The following CSF3R variants were observed in gnomAD, a reference collection of about 807,000 sequenced individuals.
CSF3R encodes granulocyte colony-stimulating factor receptor.
In CSF3R, 52 loss-of-function variants were observed where a neutral mutation model predicts 84.4. The ratio of observed to expected loss-of-function variants is 0.62; its 90% CI spans 0.49 to 0.78. CSF3R has a LOEUF of 0.78. Among genes scored for constraint, CSF3R ranks in the 30% least tolerant of loss-of-function variants. The pLI is 0.00. For synonymous variants in CSF3R, 384 were observed against 429.1 expected (o/e 0.89, Z 1.30); for missense variants, 890 against 1,055.7 (o/e 0.84, Z 2.17).
chr1:36,467,455 C>T lies in CSF3R; in HGVS notation c.1958+103G>A, dbSNP rs376595132. 4.9e-6 allele frequency: 7 copies of T among 1,442,132 alleles called. No homozygotes were observed. The East Asian group carries it at 9.1e-5, about 19-fold the overall frequency. The allele number at this position is 1,442,132 out of a possible 1,614,324, so 89.3% of individuals were successfully genotyped here. ...GGGCTGGGACTCTCAGACATGGGCC[C>T]CAAAGTTTGGGAAGGCTGGAAGGGA... On this transcript the variant is annotated intron_variant, in intron 15 of 16. Coordinates refer to ENST00000373106, the MANE Select transcript of CSF3R (RefSeq NM_000760.4). This position sits in a 1 kb window ranked among gnomAD's most constrained non-coding sequence, Gnocchi z 4.1.
Position 36,471,577 on chromosome 1 carries a change from C to T in CSF3R, c.1141G>A (p.Ala381Thr). ...YVVSWRPSGQ[A>T]GAILPLCNTT... Reference sequence around the variant, plus strand: ...TTGCAGAGGGGCAGGATGGCCCCAGCCTGGCCTGAGGGTCTCCAAGAAACC... The same window carrying T: ...TTGCAGAGGGGCAGGATGGCCCCAGTCTGGCCTGAGGGTCTCCAAGAAACC... The change falls in exon 10 of 17, where the codon GCT becomes ACT. Residue 381 changes from alanine (A) to threonine (T), a missense_variant. Physicochemically the swap from Ala to Thr is moderately conservative, Grantham distance 58. Transcript: ENST00000373106. 6.2e-7 allele frequency: 1 copy of T among 1,614,238 alleles called. No individual in the cohort carries two copies. The highest frequency in any genetic ancestry group is 8.5e-7 in the Non-Finnish European group (1 of 1,180,046).
Position 36,472,577 on chromosome 1 carries a change from G to A in CSF3R, c.783C>T (p.His261=). 1 of 1,614,138 alleles carries A rather than the reference G, an allele frequency of 6.2e-7. No homozygotes were observed. Among genetic ancestry groups the A allele is most frequent in the Non-Finnish European group, 8.5e-7 (1 of 1,180,036 alleles). Residue 261 remains histidine, a synonymous_variant, in exon 7 of 17, where the codon CAC becomes CAT. Transcript: ENST00000373106. The surrounding 1 kb of genome is among the most constrained non-coding windows in gnomAD (Gnocchi z 5.0). ...GGCGCAGCTCACACTTCTGATTTAT[G>A]TGCAGGCCTGGCTGCCATGGCTCCC... is the stretch of plus-strand genomic sequence containing the variant. The part of the protein sequence containing the change: ...LCWEPWQPGL[H]INQKCELRHK...
chr1:36,470,245 C>T lies in CSF3R; in HGVS notation c.1286-405G>A, dbSNP rs530191645. Among the ~76,000 whole-genome samples, 22 of 152,234 alleles carry T rather than the reference C, an allele frequency of 1.4e-4. 1 individual carries two copies. Among genetic ancestry groups the T allele is most frequent in the South Asian group, 4.1e-4 (2 of 4,824 alleles). On this transcript the variant is annotated intron_variant, in intron 10 of 16. Coordinates refer to ENST00000373106, the MANE Select transcript of CSF3R (RefSeq NM_000760.4). ...TGTCGCCCAGGCTGGAGTGCAGTGG[C>T]GCCATCTCGGCTCATTGCAACCTCC... is the stretch of plus-strand genomic sequence containing the variant.
In CSF3R at chr1:36,466,438, G is replaced by C; in HGVS notation, c.2430C>G (p.Asp810Glu). 6.2e-7 allele frequency: 1 copy of C among 1,613,594 alleles called. No individual in the cohort carries two copies. Among genetic ancestry groups the C allele is most frequent in the African/African-American group, 1.3e-5 (1 of 75,054 alleles). ...LVTPAPSQEDDCVFGPLLNFP... is the reference protein window; with the variant it reads ...LVTPAPSQEDECVFGPLLNFP... ...AGTTGAGCAGTGGCCCAAAGACACA[G>C]TCGTCCTCCTGGCTTGGGGCTGGGG... Residue 810 changes from aspartate (D) to glutamate (E), a missense_variant, in exon 17 of 17, where the codon GAC becomes GAG. Physicochemically the swap from Asp to Glu is conservative, Grantham distance 45. Coordinates refer to ENST00000373106, the MANE Select transcript of CSF3R (RefSeq NM_000760.4). This position sits in a 1 kb window ranked among gnomAD's most constrained non-coding sequence, Gnocchi z 4.6.
chr1:36,473,615 C>G lies in CSF3R; in HGVS notation c.493G>C (p.Gly165Arg). The G allele has an allele frequency of 6.2e-7, 1 of 1,614,016 alleles. No homozygotes were observed. The highest frequency in any genetic ancestry group is 1.1e-5 in the South Asian group (1 of 91,090). ...SFTLKSFKSR[G>R]NCQTQGDSIL... ...GAGTCCCCTTGGGTCTGACAGTTGC[C>G]CCGGCTCCTGCCAATAGTCCAGGCT... The change falls in exon 6 of 17, where the codon GGC becomes CGC. Residue 165 changes from glycine (G) to arginine (R), a missense_variant. Coordinates refer to ENST00000373106, the MANE Select transcript of CSF3R (RefSeq NM_000760.4).
At chr1:36,474,977 A>G (rs185993143) in intron 4 of CSF3R, among the ~76,000 whole-genome samples, 1 of 151,960 alleles carries the variant, frequency 6.6e-6, no homozygotes, top group Non-Finnish European at 1.5e-5. Flanking sequence ...TTATTAGATA[A>G]GAGCTCAATA....
intron 9 of CSF3R, 130 bp from the exon 10 acceptor site, chr1:36,471,776 C>G (rs547783028): frequency 4.9e-5 from 44 of 906,420 alleles, no homozygotes; most frequent in East Asian, 2.9e-4. Flanking sequence ...TCTCACCCCC[C>G]TCCCCTTTTC....
rs1169496898 is a variant in CSF3R, at chr1:36,472,548, T to C, written c.812A>G (p.Lys271Arg). ...HINQKCELRHKPQRGEASWAL... is the reference protein window; with the variant it reads ...HINQKCELRHRPQRGEASWAL... ...CCAGCTGGCTTCTCCACGCTGCGGC[T>C]TGTGGCGCAGCTCACACTTCTGATT... Residue 271 changes from lysine (K) to arginine (R), a missense_variant, in exon 7 of 17, where the codon AAG (lysine) becomes AGG (arginine). Coordinates refer to ENST00000373106, the MANE Select transcript of CSF3R (RefSeq NM_000760.4). The surrounding 1 kb of genome is among the most constrained non-coding windows in gnomAD (Gnocchi z 5.0). 1 of 1,614,188 alleles carries C rather than the reference T, an allele frequency of 6.2e-7. No individual in the cohort carries two copies. Among genetic ancestry groups the C allele is most frequent in the Admixed American group, 1.7e-5 (1 of 60,024 alleles).
At chr1:36,471,298 C>G in intron 10 of CSF3R, 135 bp downstream of exon 10, 2 of 882,254 alleles carry the variant, frequency 2.3e-6, no homozygotes, top group South Asian at 2.6e-5. Flanking sequence ...CTGCCCACCT[C>G]GGCCTCCCAA....
Position 36,467,878 on chromosome 1 carries a change from G to T in CSF3R, c.1808C>A (p.Ala603Asp). 6.2e-7 allele frequency: 1 copy of T among 1,614,252 alleles called. No homozygotes were observed. Residue 603 changes from alanine (A) to aspartate (D), a missense_variant, in exon 14 of 17, where the codon GCC becomes GAC. Physicochemically the swap from Ala to Asp is moderately radical, Grantham distance 126. Transcript: ENST00000373106. This position sits in a 1 kb window ranked among gnomAD's most constrained non-coding sequence, Gnocchi z 4.1. Reference protein sequence around the residue: ...ASLYHIHLMAASQAGATNSTV... With the variant: ...ASLYHIHLMADSQAGATNSTV... ...ACTGTTGGTGGCCCCAGCCTGGCTG[G>T]CAGCCATGAGGTGGATGTGATACAG...
At position 36,467,350 on chromosome 1, in the gene CSF3R, C is replaced by A. The variant is rs1403262066; in HGVS notation, c.1959-39G>T. ...CAGGTGGAGGCTGAGTCAGACACAC[C>A]CTCCGATCTTTCCATTTTTTGTCCC... On this transcript the variant is annotated intron_variant, in intron 15 of 16. Coordinates refer to ENST00000373106, the MANE Select transcript of CSF3R (RefSeq NM_000760.4). This position sits in a 1 kb window ranked among gnomAD's most constrained non-coding sequence, Gnocchi z 4.1. 1 of 1,599,540 alleles carries A rather than the reference C, an allele frequency of 6.3e-7. No homozygotes were observed. The highest frequency in any genetic ancestry group is 8.6e-7 in the Non-Finnish European group (1 of 1,166,908).
At position 36,468,233 on chromosome 1, in the gene CSF3R, G is replaced by C. The variant is rs200420429; in HGVS notation, c.1577-12C>G. ...GGCATGGGAGGGAGCTATGGGAAGA[G>C]AGAGGTGCGGGGGCTGAAGGGAGTG... On this transcript the variant is annotated splice_polypyrimidine_tract_variant and intron_variant, in intron 12 of 16. Coordinates refer to ENST00000373106, the MANE Select transcript of CSF3R (RefSeq NM_000760.4). 2.1e-4 allele frequency: 326 copies of C among 1,567,986 alleles called. 2 individuals carry two copies. The African/African-American group carries it at 3.9e-3, about 19-fold the overall frequency.
In CSF3R at chr1:36,468,221, G is replaced by A. The variant is rs1650472372; in HGVS notation, c.1577C>T (p.Ala526Val). The change falls in exon 13 of 17, where the codon GCT becomes GTT. Residue 526 changes from alanine to valine, a missense_variant and splice_region_variant. Ala to Val is a moderately conservative substitution (Grantham distance 64). Transcript: ENST00000373106. ...QHVYAYSQEM[A>V]PSHAPELHLK... ...ATGCAGCTCTGGGGCATGGGAGGGAGCTATGGGAAGAGAGAGGTGCGGGGG... is the reference window on the plus strand; with the variant it reads ...ATGCAGCTCTGGGGCATGGGAGGGAACTATGGGAAGAGAGAGGTGCGGGGG... 2.5e-6 allele frequency: 4 copies of A among 1,579,136 alleles called. No homozygotes were observed. Among genetic ancestry groups the A allele is most frequent in the Non-Finnish European group, 3.4e-6 (4 of 1,162,220 alleles).
At chr1:36,473,167 G>A in intron 6 of CSF3R, 1 of 544,126 alleles carries the variant, frequency 1.8e-6, no homozygotes, top group Non-Finnish European at 3.3e-6. Context: ...ACCTAGAGCA[G>A]TGCCTAACAT....
At chr1:36,468,397 G>C in intron 12 of CSF3R, 176 bp from the exon 13 acceptor site, 1 of 609,156 alleles carries the variant, frequency 1.6e-6, no homozygotes, top group Non-Finnish European at 2.7e-6. Flanking sequence ...CTGCTAATAA[G>C]TGTCTGAGCC....
rs1650778223 is a variant in CSF3R at position 36,472,019 on chromosome 1, A to ACAC, written c.1071+46_1071+47insGTG. 6.3e-7 allele frequency: 1 copy of ACAC among 1,583,896 alleles called. No homozygotes were observed. The highest frequency in any genetic ancestry group is 1.3e-5 in the African/African-American group (1 of 74,320). On this transcript the variant is annotated intron_variant, in intron 9 of 16. Coordinates refer to ENST00000373106, the MANE Select transcript of CSF3R (RefSeq NM_000760.4). This position sits in a 1 kb window ranked among gnomAD's most constrained non-coding sequence, Gnocchi z 5.0. Reference sequence around the variant, plus strand: ...CCCCGGTTTGTAGGGATCTGTTTGGACTGCGGGAGGTGTCGAGGTGGAGGG... The same window carrying ACAC: ...CCCCGGTTTGTAGGGATCTGTTTGGACACCTGCGGGAGGTGTCGAGGTGGAGGG...
chr1:36,467,300 G>A lies in CSF3R; in HGVS notation c.1970C>T (p.Pro657Leu). ...TGGGTCTGGGACACTTGGCCAGAGG[G>A]GATTCTTCCTGCTGGAGAAGGGGGC... ...WLCCSPNRKN[P>L]LWPSVPDPAH... Residue 657 changes from proline (P) to leucine (L), a missense_variant, in exon 16 of 17, where the codon CCC becomes CTC. By Grantham distance (98) the Pro-to-Leu change is moderately conservative (BLOSUM62 -3). Transcript: ENST00000373106. This position sits in a 1 kb window ranked among gnomAD's most constrained non-coding sequence, Gnocchi z 4.1. 6.2e-7 allele frequency: 1 copy of A among 1,614,174 alleles called. No individual in the cohort carries two copies. Among genetic ancestry groups the A allele is most frequent in the Non-Finnish European group, 8.5e-7 (1 of 1,180,028 alleles).
chr1:36,480,357 C>T (rs989158374), intron 2 of CSF3R, among the ~76,000 whole-genome samples: 1 of 152,244 alleles, frequency 6.6e-6, no homozygotes, highest in Non-Finnish European at 1.5e-5. Context: ...TCAAGTGGGG[C>T]ACCCGAAGGG....
Position 36,467,549 on chromosome 1 carries a change from G to A in CSF3R, c.1958+9C>T, listed in dbSNP as rs1650406316. On this transcript the variant is annotated intron_variant, in intron 15 of 16. Transcript: ENST00000373106. This position sits in a 1 kb window ranked among gnomAD's most constrained non-coding sequence, Gnocchi z 4.1. The stretch of plus-strand genomic sequence containing the variant: ...GAAGCAGGATCTCAGGTCTCTCAAA[G>A]GGACTCACTTGGGGCTGCAACAGAG... The A allele has an allele frequency of 6.2e-7, 1 of 1,613,394 alleles. No homozygotes were observed. The highest frequency in any genetic ancestry group is 1.7e-5 in the Admixed American group (1 of 59,978).
Sources: allele counts gnomAD v4.1 joint callset (sites outside exome capture counted in the v4.1 genomes callset), GRCh38; gene constraint gnomAD v4.1.1; non-coding constraint Gnocchi (gnomAD v3.1); transcripts MANE v1.5; gene names NCBI Gene and HGNC (gene_info 2026-07-23, HGNC 2026-07-21).